Variants in CCT6A observed in about 807,000 individuals in gnomAD.
The protein encoded by CCT6A is chaperonin containing TCP1 subunit 6A.
In CCT6A, 6 loss-of-function variants were observed where a neutral mutation model predicts 58.6. The ratio of observed to expected loss-of-function variants is 0.10; its 90% CI spans 0.06 to 0.20. The LOEUF is 0.20. CCT6A is among the 10% of genes least tolerant of loss of function. The pLI is 1.00. For missense variants in CCT6A, 516 were observed against 648.8 expected, an observed-to-expected ratio of 0.80 and a Z score of 2.22; for synonymous variants, 245 against 227.8, an observed-to-expected ratio of 1.08 and a Z score of -0.68.
intron 3 of CCT6A, among the ~76,000 whole-genome samples, chr7:56,055,101 C>T (rs1474123937): frequency 1.3e-5 from 2 of 152,094 alleles, no homozygotes; most frequent in Non-Finnish European, 2.9e-5. Context: ...TGGAGAAACC[C>T]CGTGTCTACT....
At chr7:56,060,498 T>C (rs1794411694) in intron 10 of CCT6A, 82 bp downstream of exon 10, 1 of 1,419,772 alleles carries the variant, frequency 7.0e-7, no homozygotes, top group Admixed American at 1.7e-5. Context: ...TTTTTATCAG[T>C]AGTTTACACA....
intron 3 of CCT6A, 22 bp from the exon 4 acceptor site, chr7:56,055,595 ATGCAAGT>A: frequency 6.4e-7 from 1 of 1,559,954 alleles, no homozygotes; most frequent in South Asian, 1.1e-5. Flanking sequence ...CTAATTGAAG[ATGCAAGT>A]GTTAATGTGT....
chr7:56,051,780 T>C lies in CCT6A; in HGVS notation c.-69T>C. The stretch of plus-strand genomic sequence containing the variant: ...CGACTTTTCCAGAAGACCCGGATAG[T>C]TCCTCCCGGCCACGCCGCGCCGGCT... On this transcript the variant is annotated 5_prime_UTR_variant, in exon 1 of 14. Transcript: ENST00000275603. 1 of 1,527,426 alleles carries C rather than the reference T, an allele frequency of 6.5e-7. No homozygotes were observed. The highest frequency in any genetic ancestry group is 2.0e-5 in the Admixed American group (1 of 49,516). The allele number at this position is 1,527,426 out of a possible 1,614,324, so 94.6% of individuals were successfully genotyped here.
intron 9 of CCT6A, chr7:56,059,857 A>ATT (rs35171408): frequency 1.2e-3 from 444 of 384,400 alleles, no homozygotes; most frequent in East Asian, 5.0e-3. Context: ...TGACTGGCTA[A>ATT]TTTTTTTTTT....
intron 5 of CCT6A, among the ~76,000 whole-genome samples, chr7:56,057,571 G>T (rs748152312): frequency 6.6e-6 from 1 of 152,152 alleles, no homozygotes; most frequent in South Asian, 2.1e-4. Flanking sequence ...TCTGTACAGC[G>T]TAGGATCTTC....
At chr7:56,056,090 GTTAA>G (rs926896962) in intron 4 of CCT6A, among the ~76,000 whole-genome samples, 7 of 152,144 alleles carry the variant, frequency 4.6e-5, no homozygotes, top group Non-Finnish European at 1.0e-4. Context: ...GAATGTTAAT[GTTAA>G]TTAATGTTAA....
chr7:56,058,793 A>G (rs1482877265), intron 8 of CCT6A, 91 bp downstream of exon 8: 5 of 773,516 alleles, frequency 6.5e-6, no homozygotes, highest in Admixed American at 2.3e-5. Context: ...TTTCAACTGT[A>G]TAGTTAATTG....
Position 56,061,830 on chromosome 7 carries a change from G to T in CCT6A, c.1431G>T (p.Val477=). ...AACATTCAGAATCAGGTCAGCTTGT[G>T]GGTGTGGACCTGAACACAGGTAAGA... ...QAEHSESGQL[V]GVDLNTGEPM... Residue 477 remains valine (V), a synonymous_variant, in exon 12 of 14, where the codon GTG becomes GTT. Transcript: ENST00000275603. 1 of 1,600,978 alleles carries T rather than the reference G, an allele frequency of 6.2e-7. No homozygotes were observed. The highest frequency in any genetic ancestry group is 2.2e-5 in the East Asian group (1 of 44,484).
intron 12 of CCT6A, chr7:56,062,074 TGAG>T: frequency 2.5e-6 from 1 of 396,442 alleles, no homozygotes; most frequent in Non-Finnish European, 4.5e-6. Flanking sequence ...TTGGAGATGT[TGAG>T]TGGTGGTAGA....
rs374991164 is a variant in CCT6A at position 56,063,052 on chromosome 7, C to T, written c.1563C>T (p.Ile521=). The T allele has an allele frequency of 5.0e-6, 8 of 1,612,574 alleles. No individual in the cohort carries two copies. The African/African-American group carries it at 6.7e-5, about 13-fold the overall frequency. ...CCAACATTCTCTTGGTTGATGAGATCATGCGAGCTGGAATGTCTTCTCTGA... is the reference window on the plus strand; with the variant it reads ...CCAACATTCTCTTGGTTGATGAGATTATGCGAGCTGGAATGTCTTCTCTGA... ...IATNILLVDE[I]MRAGMSSLKG The change falls in exon 14 of 14, where the codon ATC becomes ATT. Residue 521 remains isoleucine, a synonymous_variant. Coordinates refer to ENST00000275603, the MANE Select transcript of CCT6A (RefSeq NM_001762.4).
In CCT6A at chr7:56,055,711, G is replaced by A. The variant is rs1175854393; in HGVS notation, c.424G>A (p.Glu142Lys). The change falls in exon 4 of 14, where the codon GAG becomes AAG. Residue 142 changes from glutamate to lysine, a missense_variant. Glu to Lys is a moderately conservative substitution (Grantham distance 56). Transcript: ENST00000275603. ...QFLEEVKVSREMDRETLIDVA... is the reference protein window; with the variant it reads ...QFLEEVKVSRKMDRETLIDVA... The stretch of plus-strand genomic sequence containing the variant: ...TTTGGAAGAAGTCAAAGTAAGCAGA[G>A]AGATGGACAGGGAAACACTTATAGA... The A allele has an allele frequency of 6.2e-7, 1 of 1,613,774 alleles. No homozygotes were observed. Among genetic ancestry groups the A allele is most frequent in the Non-Finnish European group, 8.5e-7 (1 of 1,179,684 alleles).
At chr7:56,060,234 C>T in intron 9 of CCT6A, 35 bp from the exon 10 acceptor site, 9 of 1,592,700 alleles carry the variant, frequency 5.7e-6, no homozygotes, top group Non-Finnish European at 7.8e-6. Context: ...CTGCACAAAT[C>T]CTGTTTTTGA....
In CCT6A at chr7:56,061,767, T is replaced by C; in HGVS notation, c.1368T>C (p.Gly456=). Reference sequence around the variant, plus strand: ...TTTAGGTTCTTGCTCAGAACTCTGGTTTTGACCTTCAGGAAACATTAGTTA... The same window carrying C: ...TTTAGGTTCTTGCTCAGAACTCTGGCTTTGACCTTCAGGAAACATTAGTTA... ...IIPKVLAQNS[G]FDLQETLVKI... Residue 456 remains glycine (G), a synonymous_variant, in exon 12 of 14, where the codon GGT becomes GGC. Coordinates refer to ENST00000275603, the MANE Select transcript of CCT6A (RefSeq NM_001762.4). The C allele has an allele frequency of 6.2e-7, 1 of 1,603,562 alleles. No individual in the cohort carries two copies. The highest frequency in any genetic ancestry group is 8.5e-7 in the Non-Finnish European group (1 of 1,174,506).
In CCT6A at chr7:56,059,610, A is replaced by T. The variant is rs777940397; in HGVS notation, c.1035A>T (p.Gly345=). The change falls in exon 9 of 14, where the codon GGA becomes GGT. Residue 345 remains glycine (G), a synonymous_variant. Transcript: ENST00000275603. The stretch of plus-strand genomic sequence containing the variant: ...ACGACCTAAGTCCTGACTGCTTGGG[A>T]CATGCAGGACTTGTATATGAGTATA... ...SFDDLSPDCL[G]HAGLVYEYTL... is the part of the protein sequence containing the mutation. 6.3e-7 allele frequency: 1 copy of T among 1,584,046 alleles called. No individual in the cohort carries two copies. Among genetic ancestry groups the T allele is most frequent in the South Asian group, 1.1e-5 (1 of 90,490 alleles).
At chr7:56,054,610 TAGG>T (rs1429167631) in intron 3 of CCT6A, 107 bp downstream of exon 3, 1 of 1,081,932 alleles carries the variant, frequency 9.2e-7, no homozygotes, top group East Asian at 2.4e-5. Context: ...ACAGTAGAAT[TAGG>T]GGGCTTAAAT....
intron 11 of CCT6A, among the ~76,000 whole-genome samples, chr7:56,061,397 G>A (rs1172355790): frequency 1.7e-5 from 2 of 120,534 alleles, no homozygotes; most frequent in Non-Finnish European, 3.3e-5. Flanking sequence ...TTTTTTTTGA[G>A]ACAGTTTTGT....
At chr7:56,053,044 T>C (rs1028726527) in intron 2 of CCT6A, among the ~76,000 whole-genome samples, 1 of 152,192 alleles carries the variant, frequency 6.6e-6, no homozygotes, top group African/African-American at 2.4e-5. Flanking sequence ...TCCCCCCGCA[T>C]CAGCCTCCCA....
In CCT6A at chr7:56,063,430, C is replaced by T. The variant is rs10245913; in HGVS notation, c.*345C>T. 93 of 248,712 alleles carry T rather than the reference C, an allele frequency of 3.7e-4. 3 individuals are homozygous for T. In the East Asian group the frequency reaches 9.4e-3, roughly 25 times the overall value. The allele number at this position is 248,712 out of a possible 1,614,324, so 15.4% of individuals were successfully genotyped here. On this transcript the variant is annotated 3_prime_UTR_variant, in exon 14 of 14. Coordinates refer to ENST00000275603, the MANE Select transcript of CCT6A (RefSeq NM_001762.4). ...TTTTAATGGTTTAATTTTATGTGGA[C>T]GTATGTTAAATTATCCAACTACCCT...
chr7:56,063,232 T>C lies in CCT6A; in HGVS notation c.*147T>C. The C allele has an allele frequency of 1.6e-6, 1 of 644,802 alleles. No individual in the cohort carries two copies. Among genetic ancestry groups the C allele is most frequent in the Non-Finnish European group, 2.8e-6 (1 of 363,064 alleles). 39.9% of individuals were successfully genotyped at this position (644,802 alleles called of 1,614,324 possible). A position where few individuals can be genotyped will look rare whatever the true frequency, so the allele number is the denominator to read the frequency against. On this transcript the variant is annotated 3_prime_UTR_variant, in exon 14 of 14. Transcript: ENST00000275603. Reference sequence around the variant, plus strand: ...AGAGAACACTGGCATCTGTTGAAATTTGGAAGTTCTGAAATTATAGTATTT... The same window carrying C: ...AGAGAACACTGGCATCTGTTGAAATCTGGAAGTTCTGAAATTATAGTATTT...
Sources: allele counts gnomAD v4.1 joint callset (sites outside exome capture counted in the v4.1 genomes callset), GRCh38; gene constraint gnomAD v4.1.1; transcripts MANE v1.5; gene names NCBI Gene and HGNC (gene_info 2026-07-23, HGNC 2026-07-21).